Variants in SND1 observed in about 807,000 individuals in gnomAD.
SND1 encodes the protein staphylococcal nuclease domain-containing protein 1.
SND1 carries 38 observed loss-of-function variants against 121.7 expected under a neutral mutation model. The ratio of observed to expected loss-of-function variants is 0.31; its 90% CI spans 0.24 to 0.41. The LOEUF (loss-of-function observed/expected upper bound fraction) is 0.41, where lower values mean the gene tolerates loss of function less well. Among genes scored for constraint, SND1 ranks in the 10% least tolerant of loss-of-function variants. The pLI is 1.00. For missense variants in SND1, 868 were observed against 1,184.6 expected, an observed-to-expected ratio of 0.73 and a Z score of 3.92; for synonymous variants, 401 against 447.4, an observed-to-expected ratio of 0.90 and a Z score of 1.31.
chr7:127,944,866 C>G (rs1351704954), intron 15 of SND1, among the ~76,000 whole-genome samples: 7 of 152,192 alleles, frequency 4.6e-5, no homozygotes, highest in African/African-American at 1.4e-4. Flanking sequence ...CGTATAATTT[C>G]TTCTTATCAC....
intron 15 of SND1, among the ~76,000 whole-genome samples, chr7:127,964,459 A>T (rs2116875782): frequency 6.6e-6 from 1 of 150,434 alleles, no homozygotes; most frequent in South Asian, 2.1e-4. Flanking sequence ...ATCCAGTTTC[A>T]GCTTTCTACA....
chr7:128,028,756 G>A (rs868035491), intron 16 of SND1: 1 of 1,613,996 alleles, frequency 6.2e-7, no homozygotes, highest in Non-Finnish European at 8.5e-7. Flanking sequence ...GTGACTGTGG[G>A]GTGCAGAGAG....
In SND1 at chr7:128,092,120, G is replaced by A; in HGVS notation, c.*62G>A. The A allele has an allele frequency of 6.4e-7, 1 of 1,563,442 alleles. No homozygotes were observed. Among genetic ancestry groups the A allele is most frequent in the South Asian group, 1.1e-5 (1 of 89,766 alleles). ...CCAGTCCCTCTTCCTCTGCCGGGAG[G>A]GTGTTTTCAACTCCAAACCCCAGAG... is the stretch of plus-strand genomic sequence containing the variant. On this transcript the variant is annotated 3_prime_UTR_variant, in exon 24 of 24. Transcript: ENST00000354725. This position sits in a 1 kb window ranked among gnomAD's most constrained non-coding sequence, Gnocchi z 4.9.
chr7:127,850,165 A>G (rs759629385), intron 12 of SND1, among the ~76,000 whole-genome samples: 1 of 152,140 alleles, frequency 6.6e-6, no homozygotes, highest in Non-Finnish European at 1.5e-5. Context: ...ACTCTGCTAG[A>G]ATAATCCTTT....
chr7:127,705,570 AAGATGTAGATGCAGATGT>A (rs57590035), intron 8 of SND1, among the ~76,000 whole-genome samples: 53,801 of 145,876 alleles, frequency 0.37, 10,795 homozygotes, highest in East Asian at 0.72. Context: ...TGTCAGCGTC[AAGATGTAGATGCAGATGT>A]AGATGTAGAT....
intron 15 of SND1, among the ~76,000 whole-genome samples, chr7:127,936,135 T>C (rs1801056455): frequency 6.6e-6 from 1 of 152,290 alleles, no homozygotes; most frequent in East Asian, 1.9e-4. Flanking sequence ...GCTCTTGCCC[T>C]CTAGTCCTTT....
At chr7:127,930,866 TAGG>T (rs1383691356) in intron 15 of SND1, among the ~76,000 whole-genome samples, 3 of 152,182 alleles carry the variant, frequency 2.0e-5, no homozygotes, top group Non-Finnish European at 4.4e-5. Flanking sequence ...TTTTTATAGA[TAGG>T]AGGATTGTGA....
chr7:127,908,298 CA>C (rs398048113), intron 14 of SND1, among the ~76,000 whole-genome samples: 2,144 of 134,400 alleles, frequency 0.016, 22 homozygotes, highest in Non-Finnish European at 0.021. Flanking sequence ...CCATCTCTAC[CA>C]AAAAAAAAAT....
At chr7:127,833,204 T>C (rs1798795981) in intron 11 of SND1, among the ~76,000 whole-genome samples, 1 of 151,878 alleles carries the variant, frequency 6.6e-6, no homozygotes, top group African/African-American at 2.4e-5. Flanking sequence ...ACATGACTTC[T>C]AATTATGGTT....
intron 12 of SND1, chr7:127,857,871 G>A (rs1194775705): frequency 3.1e-6 from 4 of 1,304,058 alleles, no homozygotes; most frequent in African/African-American, 2.9e-5. Context: ...CAAAGTCAAT[G>A]CGTTTGGAGT....
intron 10 of SND1, among the ~76,000 whole-genome samples, chr7:127,742,211 G>A (rs6467145): frequency 0.6 from 90,800 of 152,026 alleles, 27,513 homozygotes; most frequent in East Asian, 0.87. Context: ...CAGAACTGAT[G>A]AGTCGAGAGG....
intron 12 of SND1, among the ~76,000 whole-genome samples, chr7:127,862,109 T>G (rs530372095): frequency 6.6e-6 from 1 of 152,326 alleles, no homozygotes; most frequent in African/African-American, 2.4e-5. Context: ...GTACACTTTT[T>G]TAATGTATGG....
chr7:127,693,680 A>G (rs1795960576), intron 2 of SND1, among the ~76,000 whole-genome samples: 1 of 152,196 alleles, frequency 6.6e-6, no homozygotes, highest in Non-Finnish European at 1.5e-5. Context: ...CTGTGGTTTG[A>G]AGAGATTATA....
At chr7:128,073,286 C>A (rs1397492177) in intron 16 of SND1, among the ~76,000 whole-genome samples, 1 of 152,208 alleles carries the variant, frequency 6.6e-6, no homozygotes, top group Non-Finnish European at 1.5e-5. Flanking sequence ...TCGTTAATAA[C>A]TCTAATAGAC....
intron 16 of SND1, among the ~76,000 whole-genome samples, chr7:128,041,200 C>G (rs1229240469): frequency 6.6e-6 from 1 of 152,038 alleles, no homozygotes; most frequent in Non-Finnish European, 1.5e-5. Context: ...TACAGGAGGT[C>G]GAGGATGCAG....
intron 16 of SND1, among the ~76,000 whole-genome samples, chr7:128,032,293 C>T (rs909703909): frequency 6.6e-5 from 10 of 151,148 alleles, no homozygotes; most frequent in Non-Finnish European, 1.3e-4. Context: ...TTCCTTCCTC[C>T]TCTCTTCCTC....
intron 16 of SND1, among the ~76,000 whole-genome samples, chr7:128,039,826 G>A (rs559461064): frequency 5.3e-4 from 81 of 152,308 alleles, no homozygotes; most frequent in African/African-American, 1.8e-3. Context: ...CTGTGCCAAC[G>A]CTTTTTGCTA....
At chr7:128,072,223 CT>C (rs1204064804) in intron 16 of SND1, among the ~76,000 whole-genome samples, 1 of 152,222 alleles carries the variant, frequency 6.6e-6, no homozygotes, top group African/African-American at 2.4e-5. Flanking sequence ...CAGCGTATCT[CT>C]GACATTCTTG....
At chr7:127,740,959 T>C (rs1796871314) in intron 10 of SND1, among the ~76,000 whole-genome samples, 1 of 152,258 alleles carries the variant, frequency 6.6e-6, no homozygotes, top group African/African-American at 2.4e-5. Flanking sequence ...TTTTTACTTA[T>C]TCCATAATAA....
Sources: allele counts gnomAD v4.1 joint callset (sites outside exome capture counted in the v4.1 genomes callset), GRCh38; gene constraint gnomAD v4.1.1; non-coding constraint Gnocchi (gnomAD v3.1); transcripts MANE v1.5; gene names NCBI Gene and HGNC (gene_info 2026-07-23, HGNC 2026-07-21).